Variants in GRID2 observed in about 807,000 individuals in gnomAD.
GRID2 encodes the protein glutamate receptor ionotropic, delta-2.
GRID2 carries 33 observed loss-of-function variants against 114.8 expected under a neutral mutation model. The observed-to-expected ratio is 0.29, with a 90% CI of 0.22 to 0.38. The LOEUF is 0.38. Among genes scored for constraint, GRID2 ranks in the 10% least tolerant of loss-of-function variants. The pLI is 1.00. For synonymous variants in GRID2, 505 were observed against 449.9 expected (o/e 1.12, Z -1.55); for missense variants, 1,184 against 1,257.7 (o/e 0.94, Z 0.89).
intron 2 of GRID2, among the ~76,000 whole-genome samples, chr4:92,659,974 G>A (rs937872431): frequency 1.3e-5 from 2 of 151,326 alleles, no homozygotes; most frequent in African/African-American, 2.4e-5. Context: ...GAACGTTAAC[G>A]TTCACTGTGT....
chr4:93,665,914 T>G (rs2149744209), intron 14 of GRID2, among the ~76,000 whole-genome samples: 1 of 152,234 alleles, frequency 6.6e-6, no homozygotes, highest in African/African-American at 2.4e-5. Flanking sequence ...CAAGATTTGG[T>G]TCTAATATTA....
chr4:92,473,819 G>C (rs1468753728), intron 1 of GRID2, among the ~76,000 whole-genome samples: 5 of 151,820 alleles, frequency 3.3e-5, no homozygotes, highest in African/African-American at 1.2e-4. Flanking sequence ...TTGTGTTTAA[G>C]TTTTTCAGCT....
chr4:92,435,235 A>T (rs1732680869), intron 1 of GRID2, among the ~76,000 whole-genome samples: 1 of 152,162 alleles, frequency 6.6e-6, no homozygotes, highest in African/African-American at 2.4e-5. Context: ...GGGACATTTC[A>T]CAAATTTCCT....
At chr4:93,496,701 G>A (rs1438299088) in intron 12 of GRID2, among the ~76,000 whole-genome samples, 2 of 151,826 alleles carry the variant, frequency 1.3e-5, no homozygotes, top group Non-Finnish European at 2.9e-5. Flanking sequence ...GTTGTTGTAT[G>A]TAATAGTTCA....
intron 1 of GRID2, among the ~76,000 whole-genome samples, chr4:92,535,619 A>C (rs2149156612): frequency 6.6e-6 from 1 of 152,248 alleles, no homozygotes; most frequent in South Asian, 2.1e-4. Context: ...GAGACAAGCT[A>C]AAAAAGAACA....
intron 8 of GRID2, among the ~76,000 whole-genome samples, chr4:93,300,439 G>A (rs183868751): frequency 2.6e-4 from 40 of 152,246 alleles, no homozygotes; most frequent in African/African-American, 9.6e-4. Flanking sequence ...CATACTAGCA[G>A]TGTTAAGTAG....
At chr4:92,861,471 G>GT (rs1285768869) in intron 2 of GRID2, among the ~76,000 whole-genome samples, 1 of 152,188 alleles carries the variant, frequency 6.6e-6, no homozygotes, top group African/African-American at 2.4e-5. Flanking sequence ...TTCTCATGCT[G>GT]TTTTTTCTCA....
At chr4:92,755,678 A>G (rs1402549979) in intron 2 of GRID2, among the ~76,000 whole-genome samples, 9 of 152,192 alleles carry the variant, frequency 5.9e-5, no homozygotes, top group South Asian at 2.1e-4. Flanking sequence ...CAGTATGGAT[A>G]AAACAGAGTT....
At chr4:93,198,011 T>A (rs1316987392) in intron 4 of GRID2, among the ~76,000 whole-genome samples, 1 of 152,190 alleles carries the variant, frequency 6.6e-6, no homozygotes, top group Non-Finnish European at 1.5e-5. Context: ...TATGAGCTTA[T>A]CAAATAGTTT....
intron 2 of GRID2, among the ~76,000 whole-genome samples, chr4:92,659,921 G>A (rs925405011): frequency 2.0e-5 from 3 of 151,428 alleles, no homozygotes; most frequent in Admixed American, 1.3e-4. Flanking sequence ...AATAAAATCT[G>A]TTAGATAGAT....
At chr4:93,376,394 A>T (rs1241111695) in intron 8 of GRID2, among the ~76,000 whole-genome samples, 2 of 152,130 alleles carry the variant, frequency 1.3e-5, no homozygotes, top group Non-Finnish European at 2.9e-5. Flanking sequence ...ACAGAGCAAG[A>T]TGTGGATATG....
intron 13 of GRID2, among the ~76,000 whole-genome samples, chr4:93,616,875 G>T (rs1034346281): frequency 7.1e-6 from 1 of 140,458 alleles, no homozygotes; most frequent in South Asian, 2.3e-4. Flanking sequence ...GGCGCCTGTA[G>T]TCCCAGCTAC....
intron 2 of GRID2, among the ~76,000 whole-genome samples, chr4:92,993,369 T>A (rs1755020160): frequency 6.6e-6 from 1 of 152,022 alleles, no homozygotes; most frequent in African/African-American, 2.4e-5. Context: ...TCCCTTACAT[T>A]TGTGAACTTT....
In GRID2 at chr4:93,626,365, A is replaced by T; in HGVS notation, c.2290A>T (p.Thr764Ser). 1 of 1,608,934 alleles carries T rather than the reference A, an allele frequency of 6.2e-7. No individual in the cohort carries two copies. Among genetic ancestry groups the T allele is most frequent in the South Asian group, 1.1e-5 (1 of 90,884 alleles). ...PDCSFYTIGNTVADRGYGIAL... is the reference protein window; with the variant it reads ...PDCSFYTIGNSVADRGYGIAL... ...TTGTTCCTTTTACACCATTGGAAATACTGTTGCTGATCGGGGATATGGAAT... is the reference window on the plus strand; with the variant it reads ...TTGTTCCTTTTACACCATTGGAAATTCTGTTGCTGATCGGGGATATGGAAT... Residue 764 changes from threonine to serine, a missense_variant, in exon 14 of 16, where the codon ACT (threonine) becomes TCT (serine). By Grantham distance (58) the Thr-to-Ser change is moderately conservative. Around this residue, in one of 3 missense-constraint regions of GRID2, gnomAD observed 717 missense variants for 796.9 expected, o/e 0.90. Coordinates refer to ENST00000282020, the MANE Select transcript of GRID2 (RefSeq NM_001510.4).
chr4:93,317,986 A>AATAAATATATATATATAT (rs1756841073), intron 8 of GRID2, among the ~76,000 whole-genome samples: 1 of 100,914 alleles, frequency 9.9e-6, no homozygotes, highest in Non-Finnish European at 2.1e-5. Context: ...TTAAAAGTGA[A>AATAAATATATATATATAT]ATATATATAT....
chr4:92,947,713 T>G (rs1751742381), intron 2 of GRID2, among the ~76,000 whole-genome samples: 1 of 151,846 alleles, frequency 6.6e-6, no homozygotes, highest in African/African-American at 2.4e-5. Context: ...TGTGTGCGTG[T>G]ATATGTGTGT....
intron 1 of GRID2, among the ~76,000 whole-genome samples, chr4:92,375,101 C>A (rs1729292727): frequency 6.6e-6 from 1 of 152,040 alleles, no homozygotes; most frequent in African/African-American, 2.4e-5. Context: ...GGAAAATGAA[C>A]CTAAAGCAAG....
chr4:93,163,372 A>G (rs1302428645), intron 4 of GRID2, among the ~76,000 whole-genome samples: 1 of 53,896 alleles, frequency 1.9e-5, no homozygotes, highest in African/African-American at 6.9e-5. Flanking sequence ...ATATATATAT[A>G]TATATATATA....
At chr4:93,297,225 C>T (rs1352015806) in intron 8 of GRID2, among the ~76,000 whole-genome samples, 1 of 152,096 alleles carries the variant, frequency 6.6e-6, no homozygotes, top group Non-Finnish European at 1.5e-5. Context: ...GCATCAAGAG[C>T]AGTACGTGAT....
Sources: allele counts gnomAD v4.1 joint callset (sites outside exome capture counted in the v4.1 genomes callset), GRCh38; gene constraint gnomAD v4.1.1; regional missense constraint gnomAD v4.1.1; transcripts MANE v1.5; gene names NCBI Gene and HGNC (gene_info 2026-07-23, HGNC 2026-07-21).